Variants in ALMS1 observed in about 807,000 individuals in gnomAD.
ALMS1 encodes the protein centrosome-associated protein ALMS1.
In ALMS1, 271 loss-of-function variants were observed where a neutral mutation model predicts 352.2. The observed-to-expected ratio is 0.77, with a 90% CI of 0.70 to 0.85. The LOEUF (loss-of-function observed/expected upper bound fraction) is 0.85. Among genes scored for constraint, ALMS1 ranks in the 40% least tolerant of loss-of-function variants. The probability of loss-of-function intolerance (pLI) is 0.00; values close to 1 mark genes in which losing one functional copy is unlikely to be tolerated. For missense variants in ALMS1, 5,445 were observed against 4,870.7 expected, an observed-to-expected ratio of 1.12 and a Z score of -3.51; for synonymous variants, 1,865 against 1,761.2, an observed-to-expected ratio of 1.06 and a Z score of -1.48.
At chr2:73,459,823 A>G (rs568035041) in intron 9 of ALMS1, among the ~76,000 whole-genome samples, 1 of 152,250 alleles carries the variant, frequency 6.6e-6, no homozygotes, top group South Asian at 2.1e-4. Context: ...TTTAGCAGAG[A>G]GTGGCATGTA....
intron 9 of ALMS1, among the ~76,000 whole-genome samples, chr2:73,474,411 C>CTGTA (rs10526164): frequency 4.0e-5 from 6 of 148,420 alleles, no homozygotes; most frequent in Non-Finnish European, 7.4e-5. Flanking sequence ...GTGTGTGTGT[C>CTGTA]TATTGGTTTA....
intron 3 of ALMS1, among the ~76,000 whole-genome samples, chr2:73,422,188 T>C (rs1331087049): frequency 6.6e-6 from 1 of 152,178 alleles, no homozygotes; most frequent in Non-Finnish European, 1.5e-5. Context: ...GGCCATGTTT[T>C]ACTTAAACAA....
chr2:73,523,802 C>T (rs978252385), intron 11 of ALMS1, among the ~76,000 whole-genome samples: 4 of 151,786 alleles, frequency 2.6e-5, no homozygotes, highest in Non-Finnish European at 4.4e-5. Context: ...ATTATTGTTT[C>T]CAGAGGAGAG....
rs200099778 is a variant in ALMS1, at chr2:73,447,942, A to G, written c.1433-18A>G. ...ATAGAAAATTTTATATACTATTAAC[A>G]AATCTCTTTTTCTTTAGGAGACACT... On this transcript the variant is annotated intron_variant, in intron 7 of 22. Transcript: ENST00000613296. The G allele has an allele frequency of 6.3e-7, 1 of 1,595,188 alleles. No individual in the cohort carries two copies. Among genetic ancestry groups the G allele is most frequent in the Non-Finnish European group, 8.5e-7 (1 of 1,170,584 alleles).
chr2:73,589,079 CTG>C (rs1675368762), intron 16 of ALMS1, among the ~76,000 whole-genome samples: 1 of 151,882 alleles, frequency 6.6e-6, no homozygotes, highest in Non-Finnish European at 1.5e-5. Flanking sequence ...GAACAAAAAA[CTG>C]AAATTATTAT....
chr2:73,599,206 T>C (rs1573052076), intron 16 of ALMS1, among the ~76,000 whole-genome samples, 195 bp from the exon 17 acceptor site: 1 of 152,266 alleles, frequency 6.6e-6, no homozygotes, highest in South Asian at 2.1e-4. Context: ...TTATAACAGC[T>C]TAAGTCCTAT....
At chr2:73,569,877 C>T (rs1674883208) in intron 15 of ALMS1, among the ~76,000 whole-genome samples, 2 of 152,152 alleles carry the variant, frequency 1.3e-5, no homozygotes, top group African/African-American at 2.4e-5. Context: ...GGAGTTTGGG[C>T]TTTGTTCTTA....
At chr2:73,484,335 C>T (rs1672779843) in intron 9 of ALMS1, among the ~76,000 whole-genome samples, 1 of 150,814 alleles carries the variant, frequency 6.6e-6, no homozygotes, top group African/African-American at 2.4e-5. Context: ...ACTTATGAAG[C>T]TTAGTTTGGC....
rs2103789582 is a variant in ALMS1 at position 73,452,825 on chromosome 2, A to T, written c.6298A>T (p.Lys2100Ter). ...CTCTAGTTCTTATTTTCACAGAGAG[A>T]AATCGAATATTTTCAGTCCACAGGA... is the stretch of plus-strand genomic sequence containing the variant. ...SLSSSYFHRE[K>*]SNIFSPQELP... is the part of the protein sequence containing the mutation. The change falls in exon 8 of 23, where the codon AAA becomes TAA. Residue 2100 changes from lysine (K) to a stop codon, truncating the protein, a stop_gained. Coordinates refer to ENST00000613296, the MANE Select transcript of ALMS1 (RefSeq NM_001378454.1). LOFTEE classifies it high-confidence loss of function. 1 of 1,613,858 alleles carries T rather than the reference A, an allele frequency of 6.2e-7. No homozygotes were observed. The highest frequency in any genetic ancestry group is 8.5e-7 in the Non-Finnish European group (1 of 1,179,992).
chr2:73,600,520 C>G (rs907827132), intron 17 of ALMS1, among the ~76,000 whole-genome samples, 158 bp from the exon 18 acceptor site: 52 of 152,254 alleles, frequency 3.4e-4, no homozygotes, highest in Non-Finnish European at 3.5e-4. Context: ...CTACTCTCCC[C>G]TGTCCTTCTT....
intron 15 of ALMS1, among the ~76,000 whole-genome samples, chr2:73,562,734 A>G (rs1296431459): frequency 6.6e-6 from 1 of 152,010 alleles, no homozygotes; most frequent in African/African-American, 2.4e-5. Context: ...TTAAAAATAC[A>G]AAATTAGCCG....
At chr2:73,466,360 C>T (rs1672343646) in intron 9 of ALMS1, among the ~76,000 whole-genome samples, 1 of 151,826 alleles carries the variant, frequency 6.6e-6, no homozygotes, top group Non-Finnish European at 1.5e-5. Flanking sequence ...TGGAAACCAT[C>T]ATTCTCAGCA....
chr2:73,601,043 C>G, intron 18 of ALMS1, 152 bp from the exon 19 acceptor site: 1 of 1,417,914 alleles, frequency 7.1e-7, no homozygotes, highest in Non-Finnish European at 9.7e-7. Context: ...ACACAGTCAT[C>G]CCTGCAGCAA....
At chr2:73,540,460 A>G (rs953058870) in intron 12 of ALMS1, among the ~76,000 whole-genome samples, 2 of 152,220 alleles carry the variant, frequency 1.3e-5, no homozygotes, top group African/African-American at 2.4e-5. Context: ...AACTTCATCA[A>G]TCAACTAACG....
At chr2:73,488,029 C>T (rs934678350) in intron 9 of ALMS1, among the ~76,000 whole-genome samples, 12 of 152,132 alleles carry the variant, frequency 7.9e-5, no homozygotes, top group South Asian at 2.1e-4. Flanking sequence ...TGGGCAGGCC[C>T]GGAAAAAGCA....
chr2:73,552,005 C>G (rs1001016589), intron 13 of ALMS1, among the ~76,000 whole-genome samples: 4 of 152,114 alleles, frequency 2.6e-5, no homozygotes, highest in African/African-American at 9.7e-5. Flanking sequence ...GTGATAGCAT[C>G]AGTGCCTTTG....
rs60473435 is a variant in ALMS1 at position 73,396,550 on chromosome 2, CTTTTTTTT to C, written c.324+10372_324+10379del. ...AGGTTACATCAAATGGGTCTGAGCTCTTTTTTTTTTTTTTTTTTTTTGCAGGATGGGGC... is the reference window on the plus strand; with the variant it reads ...AGGTTACATCAAATGGGTCTGAGCTCTTTTTTTTTTTTTGCAGGATGGGGC... On this transcript the variant is annotated intron_variant, in intron 1 of 22. Transcript: ENST00000613296. 2.2e-3 allele frequency among the ~76,000 whole-genome samples: 174 copies of C among 78,258 alleles called. 1 individual carries two copies. The highest frequency in any genetic ancestry group is 8.6e-3 in the African/African-American group (159 of 18,426). 51.3% of individuals were successfully genotyped at this position (78,258 alleles called of 152,430 possible).
At chr2:73,601,126 G>A in intron 18 of ALMS1, 69 bp from the exon 19 acceptor site, 1 of 1,608,802 alleles carries the variant, frequency 6.2e-7, no homozygotes. Context: ...TGCATATCCT[G>A]GATAAGAGCT....
chr2:73,594,290 G>C (rs1405252459), intron 16 of ALMS1, among the ~76,000 whole-genome samples: 1 of 152,194 alleles, frequency 6.6e-6, no homozygotes, highest in African/African-American at 2.4e-5. Context: ...ATTATATTGG[G>C]TTGAGAGAGA....
Sources: gnomAD v4.1 joint callset for allele counts (sites outside exome capture counted in the v4.1 genomes callset) on GRCh38, gnomAD v4.1.1 for gene constraint, MANE v1.5 for transcripts, NCBI Gene and HGNC (gene_info 2026-07-23, HGNC 2026-07-21) for gene names.